RBMS1: variants seen among roughly 807,000 people sequenced by gnomAD.
RBMS1 encodes RNA-binding motif, single-stranded-interacting protein 1.
RBMS1 carries 17 observed loss-of-function variants against 62.3 expected under a neutral mutation model. The ratio of observed to expected loss-of-function variants is 0.27; its 90% CI spans 0.19 to 0.41. The LOEUF is 0.41. RBMS1 is among the 10% of genes least tolerant of loss of function. RBMS1 has a pLI of 1.00. For missense variants in RBMS1, 334 were observed against 504.5 expected, an observed-to-expected ratio of 0.66 and a Z score of 3.24; for synonymous variants, 172 against 170.0, an observed-to-expected ratio of 1.01 and a Z score of -0.09.
At chr2:160,299,996 AG>A (rs529947465) in intron 6 of RBMS1, among the ~76,000 whole-genome samples, 50 of 152,340 alleles carry the variant, frequency 3.3e-4, no homozygotes, top group Non-Finnish European at 5.1e-4. Flanking sequence ...CTGTCATGAC[AG>A]TGTGAACAAG....
chr2:160,398,162 C>A (rs1422639112), intron 1 of RBMS1, among the ~76,000 whole-genome samples: 1 of 152,172 alleles, frequency 6.6e-6, no homozygotes, highest in Admixed American at 6.5e-5. Flanking sequence ...AATGGCCAAA[C>A]CAAACTCACT....
At chr2:160,411,651 C>T (rs1431550745) in intron 1 of RBMS1, among the ~76,000 whole-genome samples, 1 of 152,226 alleles carries the variant, frequency 6.6e-6, no homozygotes, top group Non-Finnish European at 1.5e-5. Flanking sequence ...GCTAACCTCT[C>T]TTGAGTGCCA....
intron 3 of RBMS1, among the ~76,000 whole-genome samples, chr2:160,314,415 G>A (rs115188595): frequency 1.3e-5 from 2 of 152,026 alleles, no homozygotes; most frequent in African/African-American, 4.8e-5. Context: ...TTTAGAAGAG[G>A]AGCTAGCCCT....
rs1255739407 is a variant in RBMS1 at position 160,272,700 on chromosome 2, C to T, written c.*2072G>A. 1.3e-5 allele frequency: 2 copies of T among 152,110 alleles called. No individual in the cohort carries two copies. The highest frequency in any genetic ancestry group is 2.9e-5 in the Non-Finnish European group (2 of 68,040). The allele number at this position is 152,110 out of a possible 1,614,324, so 9.4% of individuals were successfully genotyped here. A position where few individuals can be genotyped will look rare whatever the true frequency, so the allele number is the denominator to read the frequency against. On this transcript the variant is annotated 3_prime_UTR_variant, in exon 14 of 14. Transcript: ENST00000348849. ...GCGTTCAGTCTGGACTTTCACAAAG[C>T]AGTAATATTCCAGGGAGCATAGAAC...
At chr2:160,287,192 C>T (rs1044780592) in intron 6 of RBMS1, 108 bp from the exon 7 acceptor site, 1 of 1,457,562 alleles carries the variant, frequency 6.9e-7, no homozygotes, top group Admixed American at 1.9e-5. Flanking sequence ...AAAATTCATA[C>T]AACACTTTAA....
chr2:160,444,348 T>C lies in RBMS1; in HGVS notation c.75+48941A>G, dbSNP rs547723302. ...AAACATAAAGTACGTGGAAACCACA[T>C]ACATAAAATCATAAAAGTCTCAGCT... On this transcript the variant is annotated intron_variant, in intron 1 of 13. Coordinates refer to ENST00000348849, the MANE Select transcript of RBMS1 (RefSeq NM_016836.4). 3.3e-5 allele frequency among the ~76,000 whole-genome samples: 5 copies of C among 152,360 alleles called. No individual in the cohort carries two copies. The South Asian group carries it at 6.2e-4, about 19-fold the overall frequency.
chr2:160,408,852 G>A (rs146963544), intron 1 of RBMS1, among the ~76,000 whole-genome samples: 420 of 152,284 alleles, frequency 2.8e-3, no homozygotes, highest in African/African-American at 9.4e-3. Flanking sequence ...TAAGCCACTG[G>A]GACGGGCTTG....
intron 2 of RBMS1, among the ~76,000 whole-genome samples, chr2:160,322,019 A>T (rs1690589438): frequency 6.6e-6 from 1 of 152,160 alleles, no homozygotes; most frequent in Non-Finnish European, 1.5e-5. Flanking sequence ...TAATCTCTTC[A>T]ACTATTTAGT....
intron 4 of RBMS1, among the ~76,000 whole-genome samples, chr2:160,306,720 G>C (rs993936404): frequency 7.0e-6 from 1 of 143,812 alleles, no homozygotes; most frequent in Non-Finnish European, 1.6e-5. Flanking sequence ...TTCTTTTCAC[G>C]GGTGTTTTTT....
chr2:160,358,815 T>C (rs773539556), intron 2 of RBMS1, among the ~76,000 whole-genome samples: 54 of 152,150 alleles, frequency 3.5e-4, no homozygotes, highest in Non-Finnish European at 7.2e-4. Flanking sequence ...ACACACTTAA[T>C]GAGAGAAGAA....
intron 2 of RBMS1, among the ~76,000 whole-genome samples, chr2:160,319,187 T>C (rs1690406105): frequency 6.6e-6 from 1 of 152,142 alleles, no homozygotes; most frequent in African/African-American, 2.4e-5. Flanking sequence ...AAAAAAAGTT[T>C]TGAAAGATAA....
At chr2:160,460,653 T>A (rs1029847511) in intron 1 of RBMS1, among the ~76,000 whole-genome samples, 3 of 152,246 alleles carry the variant, frequency 2.0e-5, no homozygotes, top group Non-Finnish European at 4.4e-5. Flanking sequence ...ATTTCCTCTC[T>A]GGCTGTTTTG....
At chr2:160,306,305 A>C (rs1218884189) in intron 4 of RBMS1, among the ~76,000 whole-genome samples, 1 of 152,178 alleles carries the variant, frequency 6.6e-6, no homozygotes, top group Non-Finnish European at 1.5e-5. Context: ...AATATTATTA[A>C]AAATATTACA....
chr2:160,292,711 G>A (rs552561917), intron 6 of RBMS1, among the ~76,000 whole-genome samples: 10 of 152,278 alleles, frequency 6.6e-5, no homozygotes, highest in East Asian at 1.9e-4. Context: ...GAACCTGATC[G>A]TGAAAGGGTG....
chr2:160,370,979 A>C lies in RBMS1; in HGVS notation c.76-3588T>G, dbSNP rs759147088. 2.5e-4 allele frequency among the ~76,000 whole-genome samples: 38 copies of C among 152,256 alleles called. 1 individual carries two copies. Among genetic ancestry groups the C allele is most frequent in the Non-Finnish European group, 4.1e-4 (28 of 68,044 alleles). ...ATCAGTTTTAAAAATTCTACTTTAT[A>C]AAAATCTTTTCATTAAAGAATAAAT... On this transcript the variant is annotated intron_variant, in intron 1 of 13. Coordinates refer to ENST00000348849, the MANE Select transcript of RBMS1 (RefSeq NM_016836.4).
chr2:160,481,548 T>G (rs1685372639), intron 1 of RBMS1, among the ~76,000 whole-genome samples: 1 of 152,026 alleles, frequency 6.6e-6, no homozygotes, highest in African/African-American at 2.4e-5. Flanking sequence ...CATACATATG[T>G]GTGATGAAGG....
At chr2:160,406,266 G>A (rs1695701030) in intron 1 of RBMS1, among the ~76,000 whole-genome samples, 1 of 152,152 alleles carries the variant, frequency 6.6e-6, no homozygotes, top group Non-Finnish European at 1.5e-5. Flanking sequence ...TTTCGACACT[G>A]CCAAAATACT....
chr2:160,346,069 C>G (rs552121291), intron 2 of RBMS1, among the ~76,000 whole-genome samples: 163 of 152,220 alleles, frequency 1.1e-3, no homozygotes, highest in Admixed American at 4.3e-3. Flanking sequence ...ATCTTGGAAG[C>G]CTTCTCCGGT....
chr2:160,353,355 T>A (rs762994757), intron 2 of RBMS1, among the ~76,000 whole-genome samples: 1 of 152,116 alleles, frequency 6.6e-6, no homozygotes, highest in Non-Finnish European at 1.5e-5. Context: ...CCTCCAGCAA[T>A]GACCAGCCTC....
Sources: gnomAD v4.1 joint callset for allele counts (sites outside exome capture counted in the v4.1 genomes callset) on GRCh38, gnomAD v4.1.1 for gene constraint, MANE v1.5 for transcripts, NCBI Gene and HGNC (gene_info 2026-07-23, HGNC 2026-07-21) for gene names.